Variants in SYTL2 observed in about 807,000 individuals in gnomAD.
SYTL2 encodes the protein synaptotagmin-like protein 2.
A neutral mutation model predicts 198.7 loss-of-function variants in SYTL2; 165 were observed. The ratio of observed to expected loss-of-function variants is 0.83; its 90% CI spans 0.73 to 0.94. The LOEUF is 0.94. Among genes scored for constraint, SYTL2 ranks in the 40% least tolerant of loss-of-function variants. SYTL2 has a pLI of 0.00. For synonymous variants in SYTL2, 966 were observed against 917.7 expected (o/e 1.05, Z -0.95); for missense variants, 2,835 against 2,582.8 (o/e 1.10, Z -2.12).
chr11:85,788,086 T>C (rs192996201), intron 1 of SYTL2, among the ~76,000 whole-genome samples: 2 of 152,290 alleles, frequency 1.3e-5, no homozygotes, highest in East Asian at 1.9e-4. Context: ...TGCTTACCCA[T>C]GGGGCAGGGA....
chr11:85,840,389 C>A, the SYTL2 span, among the ~76,000 whole-genome samples: 2 of 152,076 alleles, frequency 1.3e-5, no homozygotes, highest in African/African-American at 4.8e-5. Context: ...AGATTTTCCC[C>A]AATGTTTTCT....
chr11:85,702,191 A>T (rs76676947), intron 16 of SYTL2, among the ~76,000 whole-genome samples: 7 of 142,020 alleles, frequency 4.9e-5, no homozygotes, highest in Non-Finnish European at 3.0e-5. Flanking sequence ...TAGTGGGTCT[A>T]TTTTTTTTTT....
intron 1 of SYTL2, among the ~76,000 whole-genome samples, chr11:85,758,411 C>T (rs1296050671): frequency 6.6e-6 from 1 of 152,098 alleles, no homozygotes; most frequent in Non-Finnish European, 1.5e-5. Context: ...GGATGCTAGG[C>T]TAAAAAGTCA....
intron 1 of SYTL2, among the ~76,000 whole-genome samples, chr11:85,782,855 G>A (rs1417909644): frequency 1.3e-5 from 2 of 152,150 alleles, no homozygotes; most frequent in African/African-American, 2.4e-5. Context: ...ATCTCCATCT[G>A]AGACCACCTC....
At chr11:85,789,750 T>G (rs988638250) in intron 1 of SYTL2, among the ~76,000 whole-genome samples, 3 of 152,110 alleles carry the variant, frequency 2.0e-5, no homozygotes, top group African/African-American at 7.2e-5. Context: ...GAACAAGGGA[T>G]GTAAACCCAG....
At chr11:85,851,202 CATG>C in the SYTL2 span, among the ~76,000 whole-genome samples, 1 of 152,086 alleles carries the variant, frequency 6.6e-6, no homozygotes, top group African/African-American at 2.4e-5. Flanking sequence ...TATTTTAGTT[CATG>C]ATTATTTATT....
chr11:85,841,817 T>TA, the SYTL2 span, among the ~76,000 whole-genome samples: 1 of 152,114 alleles, frequency 6.6e-6, no homozygotes, highest in African/African-American at 2.4e-5. Flanking sequence ...CCCCTGAACT[T>TA]AAAATAAAAG....
intron 4 of SYTL2, among the ~76,000 whole-genome samples, chr11:85,738,241 C>T (rs2090510781): frequency 6.6e-6 from 1 of 152,218 alleles, no homozygotes; most frequent in African/African-American, 2.4e-5. Context: ...GATGTTCCTG[C>T]AGCCTCATTT....
At chr11:85,700,650 G>C in intron 16 of SYTL2, 57 bp from the exon 17 acceptor site, 1 of 1,298,092 alleles carries the variant, frequency 7.7e-7, no homozygotes, top group Non-Finnish European at 1.1e-6. Context: ...CTGTTTGTTG[G>C]TATAGGTCTC....
intron 17 of SYTL2, among the ~76,000 whole-genome samples, chr11:85,698,606 T>C (rs1268245377): frequency 6.6e-6 from 1 of 152,154 alleles, no homozygotes; most frequent in Non-Finnish European, 1.5e-5. Context: ...GGCACAATCA[T>C]GGCTCACTGC....
At chr11:85,708,605 C>T (rs532831744) in intron 14 of SYTL2, among the ~76,000 whole-genome samples, 97 of 151,996 alleles carry the variant, frequency 6.4e-4, no homozygotes, top group African/African-American at 2.3e-3. Context: ...ATTTTTATAC[C>T]ACTGAGCTTT....
chr11:85,794,177 A>C (rs778797721), intron 1 of SYTL2, among the ~76,000 whole-genome samples: 3 of 151,578 alleles, frequency 2.0e-5, no homozygotes, highest in Non-Finnish European at 2.9e-5. Context: ...GCCAGATTTA[A>C]ATTTTTTTTT....
chr11:85,801,197 C>T (rs1320924983), intron 1 of SYTL2, among the ~76,000 whole-genome samples: 1 of 152,186 alleles, frequency 6.6e-6, no homozygotes, highest in Non-Finnish European at 1.5e-5. Flanking sequence ...AGAAATTCTA[C>T]AAAGCACTAA....
chr11:85,696,409 G>A (rs2083415018), intron 18 of SYTL2, 21 bp from the exon 19 acceptor site: 1 of 1,589,812 alleles, frequency 6.3e-7, no homozygotes, highest in African/African-American at 1.3e-5. Context: ...AGGCATGATT[G>A]TGGGAGCATT....
intron 1 of SYTL2, among the ~76,000 whole-genome samples, chr11:85,796,044 T>C (rs1292710313): frequency 1.3e-5 from 2 of 152,216 alleles, no homozygotes; most frequent in Admixed American, 6.5e-5. Context: ...CAGGTTAGAT[T>C]TAACCACTTA....
At chr11:85,763,778 G>A (rs2092161249) in intron 1 of SYTL2, among the ~76,000 whole-genome samples, 1 of 151,536 alleles carries the variant, frequency 6.6e-6, no homozygotes, top group Non-Finnish European at 1.5e-5. Flanking sequence ...CAGACAAAAA[G>A]GCCCTGATCA....
chr11:85,841,373 T>C, the SYTL2 span, among the ~76,000 whole-genome samples: 1 of 152,360 alleles, frequency 6.6e-6, no homozygotes, highest in South Asian at 2.1e-4. Context: ...TGCACGCATA[T>C]GTTCGTTGCA....
chr11:85,767,190 G>T (rs946023490), intron 1 of SYTL2, among the ~76,000 whole-genome samples: 1 of 152,232 alleles, frequency 6.6e-6, no homozygotes, highest in Non-Finnish European at 1.5e-5. Context: ...AATTCTTTGC[G>T]TGGATGAGGA....
chr11:85,834,232 T>A, the SYTL2 span, among the ~76,000 whole-genome samples: 1 of 152,198 alleles, frequency 6.6e-6, no homozygotes, highest in African/African-American at 2.4e-5. Context: ...ATGGGACTAC[T>A]ATTAATAAAA....
Sources: allele counts gnomAD v4.1 joint callset (sites outside exome capture counted in the v4.1 genomes callset), GRCh38; gene constraint gnomAD v4.1.1; transcripts MANE v1.5; gene names NCBI Gene and HGNC (gene_info 2026-07-23, HGNC 2026-07-21).